Variants in LARGE1 observed in about 807,000 individuals in gnomAD.
LARGE1 encodes the protein xylosyl- and glucuronyltransferase LARGE1.
Under a neutral mutation model 87.6 loss-of-function variants are expected in LARGE1, and 43 were observed. The observed-to-expected ratio is 0.49, with a 90% CI of 0.38 to 0.63. The LOEUF is 0.63. Ranked by LOEUF, LARGE1 falls within the 30% of genes least tolerant of loss-of-function variation. The pLI is 0.00. For missense variants in LARGE1, 802 were observed against 1,000.2 expected (o/e 0.80, Z 2.67); for synonymous variants, 434 against 394.6 (o/e 1.10, Z -1.18).
At chr22:33,457,013 T>C (rs925258799) in intron 6 of LARGE1, among the ~76,000 whole-genome samples, 1 of 152,234 alleles carries the variant, frequency 6.6e-6, no homozygotes, top group Non-Finnish European at 1.5e-5. Context: ...CAAATGTGTG[T>C]CAACTTTTTC....
chr22:33,302,116 G>C (rs1934230137), intron 12 of LARGE1, among the ~76,000 whole-genome samples: 1 of 152,172 alleles, frequency 6.6e-6, no homozygotes, highest in Non-Finnish European at 1.5e-5. Flanking sequence ...TCATCTATCT[G>C]TTCCCTTGGG....
In LARGE1 at chr22:33,421,210, A is replaced by AAATCAATC. The variant is rs146615068; in HGVS notation, c.892+10943_892+10950dup. On this transcript the variant is annotated intron_variant, in intron 7 of 14. Coordinates refer to ENST00000397394, the MANE Select transcript of LARGE1 (RefSeq NM_133642.5). ...GTTTCAAAAAATAAAAAATAAAATA[A>AAATCAATC]AATCAATCAATCAATCAATCAATCA... 3.1e-4 allele frequency among the ~76,000 whole-genome samples: 44 copies of AAATCAATC among 141,576 alleles called. 1 individual carries two copies. Among genetic ancestry groups the AAATCAATC allele is most frequent in the Admixed American group, 1.6e-3 (23 of 14,310 alleles). The allele number at this position is 141,576 out of a possible 152,430, so 92.9% of individuals were successfully genotyped here. A position where few individuals can be genotyped will look rare whatever the true frequency, so the allele number is the denominator to read the frequency against.
chr22:33,668,590 C>A (rs2081327232), intron 2 of LARGE1, among the ~76,000 whole-genome samples: 1 of 152,164 alleles, frequency 6.6e-6, no homozygotes, highest in Admixed American at 6.5e-5. Flanking sequence ...ATCGGCGGAA[C>A]TTGGAGACAG....
intron 1 of LARGE1, among the ~76,000 whole-genome samples, chr22:33,904,300 C>T (rs1487629398): frequency 2.0e-5 from 3 of 152,224 alleles, no homozygotes; most frequent in African/African-American, 2.4e-5. Flanking sequence ...GGATTACAGG[C>T]GTGTGCCACC....
intron 1 of LARGE1, among the ~76,000 whole-genome samples, chr22:33,830,537 C>G (rs1047555618): frequency 1.3e-5 from 2 of 152,190 alleles, no homozygotes; most frequent in Admixed American, 1.3e-4. Context: ...TTGAACATTT[C>G]CCTGCCTCAG....
intron 6 of LARGE1, among the ~76,000 whole-genome samples, chr22:33,494,788 C>T (rs1275260734): frequency 6.6e-6 from 1 of 152,218 alleles, no homozygotes; most frequent in Non-Finnish European, 1.5e-5. Context: ...TCGTTTTCTC[C>T]TTTGCCAGTG....
intron 10 of LARGE1, among the ~76,000 whole-genome samples, chr22:33,331,563 A>G (rs1937708591): frequency 6.6e-6 from 1 of 151,978 alleles, no homozygotes. Flanking sequence ...ATGTGCCACC[A>G]TGCCCAGCTA....
At chr22:33,519,524 C>T (rs769808138) in intron 6 of LARGE1, among the ~76,000 whole-genome samples, 68 of 152,068 alleles carry the variant, frequency 4.5e-4, no homozygotes, top group Non-Finnish European at 8.7e-4. Flanking sequence ...CACTGGCTCC[C>T]GAAGACACCC....
chr22:33,806,031 T>C (rs1158449637), intron 1 of LARGE1, among the ~76,000 whole-genome samples: 1 of 152,232 alleles, frequency 6.6e-6, no homozygotes, highest in Non-Finnish European at 1.5e-5. Context: ...CACCTCAATC[T>C]AATTCCAAAA....
At chr22:33,251,274 G>A (rs189205735) in intron 11 of LARGE1, among the ~76,000 whole-genome samples, 20 of 152,296 alleles carry the variant, frequency 1.3e-4, no homozygotes, top group African/African-American at 4.1e-4. Context: ...TAAGAAAGAC[G>A]TGCCTCTTCT....
At position 33,708,043 on chromosome 22, in the gene LARGE1, G is replaced by A. The variant is rs141231811; in HGVS notation, c.106+53328C>T. Among the ~76,000 whole-genome samples the A allele has an allele frequency of 2.7e-3, 409 of 152,296 alleles. 2 individuals are homozygous for A. Among genetic ancestry groups the A allele is most frequent in the African/African-American group, 9.4e-3 (389 of 41,562 alleles). On this transcript the variant is annotated intron_variant, in intron 2 of 14. Transcript: ENST00000397394. Reference sequence around the variant, plus strand: ...CCAGGCTGACGATGTCCAAGCTGCTGAGAAGGATCCAGTCCCAAATATCAC... The same window carrying A: ...CCAGGCTGACGATGTCCAAGCTGCTAAGAAGGATCCAGTCCCAAATATCAC...
intron 14 of LARGE1, 69 bp downstream of exon 14, chr22:33,276,991 T>G: frequency 7.0e-7 from 1 of 1,432,184 alleles, no homozygotes; most frequent in Non-Finnish European, 9.9e-7. Context: ...TCTCCAAGGA[T>G]CCCTTAAGCT....
intron 2 of LARGE1, among the ~76,000 whole-genome samples, chr22:33,706,922 C>T (rs2149388585): frequency 6.6e-6 from 1 of 152,260 alleles, no homozygotes; most frequent in East Asian, 1.9e-4. Context: ...ACCTCCAGAA[C>T]TATAAAAAAG....
intron 9 of LARGE1, among the ~76,000 whole-genome samples, chr22:33,365,905 T>C (rs2064570286): frequency 1.3e-5 from 2 of 152,200 alleles, no homozygotes; most frequent in Admixed American, 6.5e-5. Context: ...CGTGAGCCAC[T>C]GCACCTGGCC....
chr22:33,517,998 T>C (rs1164042943), intron 6 of LARGE1, among the ~76,000 whole-genome samples: 3 of 152,210 alleles, frequency 2.0e-5, no homozygotes, highest in Admixed American at 2.0e-4. Context: ...GTTAGATCAC[T>C]CCAACTCCTA....
At chr22:33,469,001 A>G (rs1025139601) in intron 6 of LARGE1, among the ~76,000 whole-genome samples, 2 of 152,212 alleles carry the variant, frequency 1.3e-5, no homozygotes, top group African/African-American at 2.4e-5. Context: ...TCACAGAATT[A>G]GTCAAAAGGG....
At chr22:33,413,089 C>T (rs527261303) in intron 7 of LARGE1, among the ~76,000 whole-genome samples, 4 of 152,156 alleles carry the variant, frequency 2.6e-5, no homozygotes, top group Admixed American at 2.6e-4. Flanking sequence ...TATTTTTGTC[C>T]TTTATAACAA....
chr22:33,535,256 C>T (rs867801585), intron 6 of LARGE1, among the ~76,000 whole-genome samples: 1 of 152,112 alleles, frequency 6.6e-6, no homozygotes, highest in Non-Finnish European at 1.5e-5. Context: ...GAGAAAACCT[C>T]CAGCAGGCCA....
At chr22:33,231,685 A>C (rs1167706011) in intron 11 of LARGE1, among the ~76,000 whole-genome samples, 1 of 152,214 alleles carries the variant, frequency 6.6e-6, no homozygotes, top group Admixed American at 6.5e-5. Context: ...AATGTTGAGA[A>C]ACTACGAAGA....
Sources: gnomAD v4.1 joint callset for allele counts (sites outside exome capture counted in the v4.1 genomes callset) on GRCh38, gnomAD v4.1.1 for gene constraint, MANE v1.5 for transcripts, NCBI Gene and HGNC (gene_info 2026-07-23, HGNC 2026-07-21) for gene names.